NEBL: variants seen among roughly 807,000 people sequenced by gnomAD.
NEBL encodes LIM and SH3 protein 2.
In NEBL, 122 loss-of-function variants were observed where a neutral mutation model predicts 140.2. The observed-to-expected ratio is 0.87, with a 90% CI of 0.75 to 1.01. NEBL has a LOEUF of 1.01. NEBL is among the 50% of genes least tolerant of loss of function. NEBL has a pLI of 0.00. For synonymous variants in NEBL, 436 were observed against 398.9 expected, an observed-to-expected ratio of 1.09 and a Z score of -1.11; for missense variants, 1,365 against 1,231.3, an observed-to-expected ratio of 1.11 and a Z score of -1.62.
At chr10:20,940,284 A>G (rs11492535) in intron 4 of NEBL, among the ~76,000 whole-genome samples, 5 of 150,024 alleles carry the variant, frequency 3.3e-5, no homozygotes, top group East Asian at 3.9e-4. Flanking sequence ...AAGAAACTCA[A>G]TCAAAACCGC....
chr10:21,197,923 T>A (rs1464880181), intron 3 of NEBL, among the ~76,000 whole-genome samples: 1 of 151,996 alleles, frequency 6.6e-6, no homozygotes, highest in African/African-American at 2.4e-5. Context: ...CCCCTCACCC[T>A]CCATGATTCC....
intron 23 of NEBL, among the ~76,000 whole-genome samples, chr10:20,813,583 A>C (rs1044138721): frequency 6.6e-6 from 1 of 152,206 alleles, no homozygotes; most frequent in Non-Finnish European, 1.5e-5. Flanking sequence ...CATTTTTAAA[A>C]ACACAGCTTT....
intron 2 of NEBL, among the ~76,000 whole-genome samples, chr10:21,248,536 G>A (rs575250239): frequency 6.6e-6 from 1 of 152,264 alleles, no homozygotes; most frequent in South Asian, 2.1e-4. Context: ...TTCGATACAT[G>A]TAGATCACAT....
chr10:21,066,076 G>T (rs937924644), intron 2 of NEBL, among the ~76,000 whole-genome samples: 1 of 152,120 alleles, frequency 6.6e-6, no homozygotes, highest in Non-Finnish European at 1.5e-5. Flanking sequence ...TTCCATATGA[G>T]CATAAGCTGG....
At chr10:20,936,973 G>T (rs1044649933) in intron 4 of NEBL, among the ~76,000 whole-genome samples, 1 of 152,102 alleles carries the variant, frequency 6.6e-6, no homozygotes, top group Non-Finnish European at 1.5e-5. Context: ...GTATTAATCC[G>T]CATTTCAAAG....
chr10:20,885,939 T>C (rs1564420603), intron 4 of NEBL, among the ~76,000 whole-genome samples: 1 of 152,198 alleles, frequency 6.6e-6, no homozygotes, highest in Non-Finnish European at 1.5e-5. Context: ...TACTGCCAAG[T>C]CAGGTACACA....
intron 3 of NEBL, among the ~76,000 whole-genome samples, chr10:21,202,730 G>A (rs1564541944): frequency 6.6e-6 from 1 of 151,900 alleles, no homozygotes; most frequent in Non-Finnish European, 1.5e-5. Context: ...CAAAGTGCTG[G>A]GATTACAGGC....
intron 3 of NEBL, among the ~76,000 whole-genome samples, chr10:20,989,420 T>A (rs1253488683): frequency 1.3e-5 from 2 of 152,174 alleles, no homozygotes; most frequent in African/African-American, 4.8e-5. Context: ...ACTGGAAACC[T>A]CAATAAATAT....
At chr10:20,802,843 T>C (rs1436899335) in intron 26 of NEBL, among the ~76,000 whole-genome samples, 2 of 152,158 alleles carry the variant, frequency 1.3e-5, no homozygotes, top group Non-Finnish European at 2.9e-5. Flanking sequence ...AACACATTCT[T>C]ACACATAGAA....
At chr10:20,933,228 T>G (rs1327050953) in intron 4 of NEBL, among the ~76,000 whole-genome samples, 1 of 152,196 alleles carries the variant, frequency 6.6e-6, no homozygotes, top group East Asian at 1.9e-4. Context: ...AATTAAGCCC[T>G]TTTTTATAGT....
intron 2 of NEBL, 123 bp from the exon 3 acceptor site, chr10:20,890,072 C>T: frequency 1.5e-6 from 1 of 659,010 alleles, no homozygotes; most frequent in South Asian, 1.9e-5. Context: ...GTGAAAGGGA[C>T]CTCAAAACAA....
At chr10:21,111,472 C>T (rs1014105331) in intron 2 of NEBL, among the ~76,000 whole-genome samples, 1 of 152,098 alleles carries the variant, frequency 6.6e-6, no homozygotes. Context: ...ATAAACCTGA[C>T]AAAAACAAGC....
intron 2 of NEBL, among the ~76,000 whole-genome samples, chr10:21,020,535 C>A (rs199938692): frequency 2.0e-5 from 3 of 152,272 alleles, no homozygotes; most frequent in East Asian, 3.9e-4. Flanking sequence ...CATCCTCCAA[C>A]CAAACTTCCT....
intron 3 of NEBL, among the ~76,000 whole-genome samples, chr10:21,007,479 G>A (rs1249785835): frequency 6.6e-6 from 1 of 152,196 alleles, no homozygotes; most frequent in East Asian, 1.9e-4. Context: ...TCAGAAAAGT[G>A]TCTTGTTCTT....
At chr10:21,178,677 C>T (rs11012559), upstream of NEBL, among the ~76,000 whole-genome samples, 9,125 of 152,288 alleles carry the variant, frequency 0.06, 449 homozygotes, top group East Asian at 0.22. Flanking sequence ...CAACATAGCA[C>T]AGCACAGTGA....
At chr10:20,827,784 G>A (rs181714334) in intron 17 of NEBL, among the ~76,000 whole-genome samples, 140 of 152,238 alleles carry the variant, frequency 9.2e-4, no homozygotes, top group Admixed American at 4.6e-3. Context: ...GACATGGATG[G>A]AGCTAGATGC....
At chr10:20,988,617 C>T (rs1837343638) in intron 3 of NEBL, among the ~76,000 whole-genome samples, 4 of 152,174 alleles carry the variant, frequency 2.6e-5, no homozygotes, top group Admixed American at 2.0e-4. Context: ...TCTATTGGGT[C>T]ACTGCCATTA....
chr10:21,160,051 G>C (rs1840492825), intron 2 of NEBL, among the ~76,000 whole-genome samples: 1 of 152,146 alleles, frequency 6.6e-6, no homozygotes, highest in Non-Finnish European at 1.5e-5. Context: ...CACCAGTATA[G>C]ACCCAGAGAA....
intron 4 of NEBL, among the ~76,000 whole-genome samples, chr10:20,952,921 A>AAG (rs1554811811): frequency 8.2e-5 from 12 of 146,864 alleles, no homozygotes; most frequent in South Asian, 2.1e-4. Context: ...AAAAAAAAAA[A>AAG]AAAAGAAAAA....
Sources: allele counts gnomAD v4.1 joint callset (sites outside exome capture counted in the v4.1 genomes callset), GRCh38; gene constraint gnomAD v4.1.1; transcripts MANE v1.5; gene names NCBI Gene and HGNC (gene_info 2026-07-23, HGNC 2026-07-21).